The following CRPPA variants were observed in gnomAD, a reference collection of about 807,000 sequenced individuals.
CRPPA encodes the protein CDP-L-ribitol pyrophosphorylase A.
A neutral mutation model predicts 52.0 loss-of-function variants in CRPPA; 43 were observed. That is an observed-to-expected ratio of 0.83 (90% CI 0.65 to 1.07). The LOEUF (loss-of-function observed/expected upper bound fraction) is 1.07, where lower values mean the gene tolerates loss of function less well. CRPPA is among the 50% of genes least tolerant of loss of function. CRPPA has a pLI of 0.00. For missense variants in CRPPA, 629 were observed against 551.7 expected, an observed-to-expected ratio of 1.14 and a Z score of -1.40; for synonymous variants, 250 against 203.5, an observed-to-expected ratio of 1.23 and a Z score of -1.94.
intron 5 of CRPPA, among the ~76,000 whole-genome samples, chr7:16,288,880 C>G (rs372924614): frequency 3.2e-5 from 3 of 94,032 alleles, no homozygotes; most frequent in Non-Finnish European, 7.0e-5. Flanking sequence ...TCCCCAAAAA[C>G]AAAAAACAAA....
At chr7:16,174,686 T>A (rs1350658614) in intron 9 of CRPPA, among the ~76,000 whole-genome samples, 1 of 152,108 alleles carries the variant, frequency 6.6e-6, no homozygotes, top group East Asian at 1.9e-4. Flanking sequence ...TACAAAATAC[T>A]TAGCTGTCAT....
At chr7:16,358,356 G>A (rs999116851) in intron 3 of CRPPA, among the ~76,000 whole-genome samples, 1 of 152,186 alleles carries the variant, frequency 6.6e-6, no homozygotes, top group Non-Finnish European at 1.5e-5. Flanking sequence ...AGACAATGAC[G>A]GGTGGATTTG....
At chr7:16,124,937 C>T (rs1782547383) in intron 9 of CRPPA, among the ~76,000 whole-genome samples, 1 of 151,882 alleles carries the variant, frequency 6.6e-6, no homozygotes, top group Non-Finnish European at 1.5e-5. Flanking sequence ...GAAAGAATAG[C>T]TTTTTTGAAA....
At chr7:16,332,473 T>C (rs182393382) in intron 3 of CRPPA, among the ~76,000 whole-genome samples, 85 of 152,320 alleles carry the variant, frequency 5.6e-4, no homozygotes, top group Middle Eastern at 3.4e-3. Context: ...CATGCTTATC[T>C]ATGCTTATGT....
intron 9 of CRPPA, among the ~76,000 whole-genome samples, chr7:16,124,181 T>C (rs964975506): frequency 2.0e-5 from 3 of 148,720 alleles, no homozygotes; most frequent in East Asian, 4.0e-4. Context: ...TTCCCACCAA[T>C]GGTGTGTACG....
intron 9 of CRPPA, among the ~76,000 whole-genome samples, chr7:16,192,600 T>C (rs957676582): frequency 2.6e-5 from 4 of 152,160 alleles, no homozygotes; most frequent in Non-Finnish European, 5.9e-5. Context: ...TTGCCTGTTC[T>C]AGAACTTCAA....
chr7:16,332,782 T>G (rs538054113), intron 3 of CRPPA, among the ~76,000 whole-genome samples: 1 of 152,220 alleles, frequency 6.6e-6, no homozygotes, highest in South Asian at 2.1e-4. Flanking sequence ...GTAGTCAATA[T>G]TAACCCAATT....
At chr7:16,169,400 G>A (rs1280547015) in intron 9 of CRPPA, among the ~76,000 whole-genome samples, 1 of 152,092 alleles carries the variant, frequency 6.6e-6, no homozygotes, top group African/African-American at 2.4e-5. Context: ...TCTAATAAAG[G>A]CTCACAATTA....
intron 8 of CRPPA, among the ~76,000 whole-genome samples, chr7:16,242,847 AGC>A (rs1207351904): frequency 6.6e-6 from 1 of 152,186 alleles, no homozygotes; most frequent in Non-Finnish European, 1.5e-5. Context: ...TATTTCTAAA[AGC>A]TCACAGTTAA....
intron 3 of CRPPA, among the ~76,000 whole-genome samples, chr7:16,336,330 T>G (rs1257373365): frequency 1.3e-4 from 20 of 152,086 alleles, no homozygotes; most frequent in Admixed American, 1.3e-3. Context: ...AAATTATTCT[T>G]AAGTGTAAAT....
At chr7:16,215,701 G>T (rs1782285840) in intron 9 of CRPPA, among the ~76,000 whole-genome samples, 1 of 152,092 alleles carries the variant, frequency 6.6e-6, no homozygotes, top group South Asian at 2.1e-4. Flanking sequence ...GTAAATATAA[G>T]AATTTTATTA....
chr7:16,282,408 G>T (rs562427349), intron 5 of CRPPA, among the ~76,000 whole-genome samples: 26 of 151,828 alleles, frequency 1.7e-4, no homozygotes, highest in African/African-American at 5.8e-4. Flanking sequence ...TATAAATTTG[G>T]TGGTTTAAAC....
chr7:16,156,730 A>G (rs543968224), intron 9 of CRPPA, among the ~76,000 whole-genome samples: 32 of 152,356 alleles, frequency 2.1e-4, no homozygotes, highest in African/African-American at 7.0e-4. Flanking sequence ...TTCATGTTAA[A>G]CGATCATAAT....
chr7:16,210,649 T>C (rs1220516952), intron 9 of CRPPA: 1 of 152,162 alleles, frequency 6.6e-6, no homozygotes, highest in Non-Finnish European at 1.5e-5. Flanking sequence ...TTTGAGATGG[T>C]TGCATCCTTG....
intron 5 of CRPPA, among the ~76,000 whole-genome samples, chr7:16,285,450 G>A (rs76604057): frequency 0.019 from 2,885 of 152,060 alleles, 66 homozygotes; most frequent in East Asian, 0.12. Context: ...AGTGGCAGAT[G>A]GCAAAATATT....
At chr7:16,220,302 TAAG>T (rs1412830713) in intron 8 of CRPPA, among the ~76,000 whole-genome samples, 1 of 87,048 alleles carries the variant, frequency 1.1e-5, no homozygotes, top group Non-Finnish European at 2.2e-5. Flanking sequence ...TTCAAAATAA[TAAG>T]AGCTATCTAT....
intron 3 of CRPPA, among the ~76,000 whole-genome samples, chr7:16,364,607 G>A (rs1000213168): frequency 6.6e-6 from 1 of 152,184 alleles, no homozygotes; most frequent in Non-Finnish European, 1.5e-5. Context: ...GATGTGATAG[G>A]TAATGTTCAA....
chr7:16,206,575 A>T (rs898599122), intron 9 of CRPPA, among the ~76,000 whole-genome samples: 1 of 150,342 alleles, frequency 6.7e-6, no homozygotes, highest in East Asian at 2.0e-4. Context: ...ACCTTTTTTT[A>T]AAAAAGAACA....
intron 2 of CRPPA, among the ~76,000 whole-genome samples, chr7:16,397,379 A>G (rs896431615): frequency 2.0e-5 from 3 of 152,308 alleles, no homozygotes; most frequent in Admixed American, 6.5e-5. Context: ...AACACGTGTG[A>G]CATATGACAG....
Sources: gnomAD v4.1 joint callset for allele counts (sites outside exome capture counted in the v4.1 genomes callset) on GRCh38, gnomAD v4.1.1 for gene constraint, MANE v1.5 for transcripts, NCBI Gene and HGNC (gene_info 2026-07-23, HGNC 2026-07-21) for gene names.